The following ZNF705B variants were observed in gnomAD, a reference collection of about 807,000 sequenced individuals.
ZNF705B encodes Putative zinc finger protein 705D-like protein LOC100132396.
A neutral mutation model predicts 10.5 loss-of-function variants in ZNF705B; 1 was observed. That is an observed-to-expected ratio of 0.10 (90% CI 0.03 to 0.45). ZNF705B has a LOEUF of 0.45. Ranked by LOEUF, ZNF705B falls within the 20% of genes least tolerant of loss-of-function variation. The pLI, the probability that ZNF705B is intolerant of heterozygous loss-of-function variation, is 0.97. For synonymous variants in ZNF705B, 4 were observed against 25.4 expected (o/e 0.16, Z 2.53); for missense variants, 14 against 84.0 (o/e 0.17, Z 3.26).
chr8:7,926,750 G>A lies in ZNF705B; in HGVS notation c.-222+353G>A, dbSNP rs1405169079. Among the ~76,000 whole-genome samples, 4 of 115,442 alleles carry A rather than the reference G, an allele frequency of 3.5e-5. 1 individual carries two copies. The highest frequency in any genetic ancestry group is 1.0e-4 in the Admixed American group (1 of 9,794). 75.7% of individuals were successfully genotyped at this position (115,442 alleles called of 152,430 possible). The stretch of plus-strand genomic sequence containing the variant: ...GACTTTCCCCCTTTGTTAGGGAAGT[G>A]CAATTCAGACAACCTTTTATGCACG... On this transcript the variant is annotated intron_variant, in intron 1 of 6. Transcript: ENST00000400120.
chr8:7,949,600 C>G (rs1435298761), intron 4 of ZNF705B, among the ~76,000 whole-genome samples: 1 of 101,556 alleles, frequency 9.8e-6, no homozygotes, highest in African/African-American at 2.9e-5. Context: ...TTAGTCTATG[C>G]TTAGGCTGAG....
At chr8:7,928,001 G>A in intron 1 of ZNF705B, among the ~76,000 whole-genome samples, 2 of 135,986 alleles carry the variant, frequency 1.5e-5, no homozygotes, top group Non-Finnish European at 3.3e-5. Context: ...GTCCATTTGG[G>A]ATGCTATTAA....
intron 2 of ZNF705B, among the ~76,000 whole-genome samples, chr8:7,931,426 G>A (rs1819844375): frequency 1.6e-5 from 2 of 121,676 alleles, no homozygotes; most frequent in Admixed American, 1.8e-4. Flanking sequence ...GTACTTGATG[G>A]TGATAGGTAT....
intron 2 of ZNF705B, chr8:7,934,702 G>GTGTGTT (rs1819963388): frequency 1.4e-5 from 1 of 73,396 alleles, no homozygotes; most frequent in Admixed American, 2.5e-4. Flanking sequence ...CTGTGTGTGT[G>GTGTGTT]TGTGTGTGTG....
At chr8:7,948,315 T>C (rs1455663568) in intron 3 of ZNF705B, among the ~76,000 whole-genome samples, 1 of 13,140 alleles carries the variant, frequency 7.6e-5, no homozygotes, top group African/African-American at 1.0e-4. Context: ...TAACTGATGT[T>C]TGGACTGCCG....
intron 2 of ZNF705B, among the ~76,000 whole-genome samples, chr8:7,931,788 T>G (rs1175268612): frequency 5.3e-5 from 7 of 130,994 alleles, no homozygotes; most frequent in Non-Finnish European, 1.2e-4. Flanking sequence ...GCTCCCTTTG[T>G]TCTGGGGGCA....
At position 7,940,709 on chromosome 8, in the gene ZNF705B, G is replaced by A. The variant is rs377626282; in HGVS notation, c.-71-6642G>A. On this transcript the variant is annotated intron_variant, in intron 2 of 6. Transcript: ENST00000400120. ...TATAGTAATTGTCATTCTGTGGTTG[G>A]CCTATTTCATATAACCTAATGCCCT... Among the ~76,000 whole-genome samples, 112 of 147,100 alleles carry A rather than the reference G, an allele frequency of 7.6e-4. 1 individual carries two copies. In the East Asian group the frequency reaches 0.017, roughly 22 times the overall value.
chr8:7,929,430 A>G (rs1819781684), intron 1 of ZNF705B, among the ~76,000 whole-genome samples: 2 of 121,488 alleles, frequency 1.6e-5, no homozygotes. Flanking sequence ...TAAATGAATA[A>G]GTGGATGAAT....
rs1393218258 is a variant in ZNF705B at position 7,940,798 on chromosome 8, C to G, written c.-71-6553C>G. 3.0e-5 allele frequency among the ~76,000 whole-genome samples: 4 copies of G among 131,320 alleles called. No homozygotes were observed. In the South Asian group the frequency reaches 1.0e-3, roughly 33 times the overall value. 86.2% of individuals were successfully genotyped at this position (131,320 alleles called of 152,430 possible). A position where few individuals can be genotyped will look rare whatever the true frequency, so the allele number is the denominator to read the frequency against. ...TTATTATGGAACACTGAACAATATTCCATTGCATATATGTATTAGCCATTT... is the reference window on the plus strand; with the variant it reads ...TTATTATGGAACACTGAACAATATTGCATTGCATATATGTATTAGCCATTT... On this transcript the variant is annotated intron_variant, in intron 2 of 6. Coordinates refer to ENST00000400120, the MANE Select transcript of ZNF705B (RefSeq NM_001193630.1).
At position 7,948,193 on chromosome 8, in the gene ZNF705B, G is replaced by A. The variant is rs1186575759; in HGVS notation, c.12+760G>A. On this transcript the variant is annotated intron_variant, in intron 3 of 6. Transcript: ENST00000400120. ...TATAGTAGATAGAGTACAATTTAGGGTTCTGTGGAAATGCTTTATAAGGGC... is the reference window on the plus strand; with the variant it reads ...TATAGTAGATAGAGTACAATTTAGGATTCTGTGGAAATGCTTTATAAGGGC... Among the ~76,000 whole-genome samples, 106 of 17,754 alleles carry A rather than the reference G, an allele frequency of 6.0e-3. 17 individuals are homozygous for A. The highest frequency in any genetic ancestry group is 8.9e-3 in the African/African-American group (105 of 11,808). 11.6% of individuals were successfully genotyped at this position (17,754 alleles called of 152,430 possible).
chr8:7,932,146 A>T (rs184357554), intron 2 of ZNF705B, among the ~76,000 whole-genome samples: 2 of 121,116 alleles, frequency 1.7e-5, no homozygotes, highest in African/African-American at 5.0e-5. Flanking sequence ...CAGGGCCTGC[A>T]AGGGCTGAGA....
rs370868820 is a variant in ZNF705B at position 7,932,770 on chromosome 8, C to A, written c.-72+2334C>A. Among the ~76,000 whole-genome samples, 27 of 114,858 alleles carry A rather than the reference C, an allele frequency of 2.4e-4. 8 individuals are homozygous for A. The East Asian group carries it at 5.0e-3, about 21-fold the overall frequency. 75.4% of individuals were successfully genotyped at this position (114,858 alleles called of 152,430 possible). On this transcript the variant is annotated intron_variant, in intron 2 of 6. Transcript: ENST00000400120. ...AATCAGGCATAGTGAAAAATAAAAT[C>A]CAGCTAACATACTTTTAAATATCTT...
rs1482862858 is a variant in ZNF705B at position 7,940,551 on chromosome 8, C to A, written c.-71-6800C>A. Among the ~76,000 whole-genome samples the A allele has an allele frequency of 9.0e-5, 11 of 122,426 alleles. 1 individual carries two copies. The highest frequency in any genetic ancestry group is 2.4e-4 in the African/African-American group (9 of 36,814). The allele number at this position is 122,426 out of a possible 152,430, so 80.3% of individuals were successfully genotyped here. On this transcript the variant is annotated intron_variant, in intron 2 of 6. Transcript: ENST00000400120. The stretch of plus-strand genomic sequence containing the variant: ...AAACGAGACCTCCAGAACTTACTTA[C>A]GTGGTATATCTGAAACTTTGTGCTC...
At chr8:7,933,050 G>C (rs1459366171) in intron 2 of ZNF705B, among the ~76,000 whole-genome samples, 1 of 119,000 alleles carries the variant, frequency 8.4e-6, no homozygotes, top group Non-Finnish European at 2.0e-5. Flanking sequence ...GGGGAATTGA[G>C]GTTTCCTGTG....
chr8:7,937,147 A>G (rs559600384), intron 2 of ZNF705B, among the ~76,000 whole-genome samples: 4,465 of 114,078 alleles, frequency 0.039, 251 homozygotes, highest in African/African-American at 0.11. Flanking sequence ...AAAGGAAGAA[A>G]CTTGCCCAAG....
chr8:7,931,327 C>T lies in ZNF705B; in HGVS notation c.-72+891C>T, dbSNP rs1469285064. On this transcript the variant is annotated intron_variant, in intron 2 of 6. Coordinates refer to ENST00000400120, the MANE Select transcript of ZNF705B (RefSeq NM_001193630.1). ...CATGATGGACAGAGTAGTCCTCAGG[C>T]TTTCACCTGGTGCAAATATGTGGGC... is the stretch of plus-strand genomic sequence containing the variant. Among the ~76,000 whole-genome samples, 25 of 121,734 alleles carry T rather than the reference C, an allele frequency of 2.1e-4. 3 individuals are homozygous for T. Among genetic ancestry groups the T allele is most frequent in the Admixed American group, 1.7e-3 (18 of 10,778 alleles). The allele number at this position is 121,734 out of a possible 152,430, so 79.9% of individuals were successfully genotyped here.
At chr8:7,941,078 C>A (rs1252872489) in intron 2 of ZNF705B, among the ~76,000 whole-genome samples, 1 of 149,252 alleles carries the variant, frequency 6.7e-6, no homozygotes, top group Non-Finnish European at 1.5e-5. Flanking sequence ...TTTTCTTTAT[C>A]CAGTCTGTCA....
chr8:7,936,440 T>C (rs899965260), intron 2 of ZNF705B, among the ~76,000 whole-genome samples: 2 of 118,108 alleles, frequency 1.7e-5, no homozygotes, highest in Admixed American at 9.8e-5. Flanking sequence ...ATCACAGTGG[T>C]ATTCACAGTA....
intron 2 of ZNF705B, among the ~76,000 whole-genome samples, chr8:7,935,926 C>T (rs1820002082): frequency 1.1e-5 from 1 of 91,328 alleles, no homozygotes; most frequent in African/African-American, 2.8e-5. Context: ...CTGGAAGAGT[C>T]ATAAGAGATT....
Sources: gnomAD v4.1 joint callset for allele counts (sites outside exome capture counted in the v4.1 genomes callset) on GRCh38, gnomAD v4.1.1 for gene constraint, MANE v1.5 for transcripts, NCBI Gene and HGNC (gene_info 2026-07-23, HGNC 2026-07-21) for gene names.